ESR1: variants seen among roughly 807,000 people sequenced by gnomAD.
ESR1 encodes the protein estrogen receptor.
In ESR1, 12 loss-of-function variants were observed where a neutral mutation model predicts 52.7. That is an observed-to-expected ratio of 0.23 (90% CI 0.15 to 0.37). The LOEUF (loss-of-function observed/expected upper bound fraction) is 0.37, where lower values mean the gene tolerates loss of function less well. Ranked by LOEUF, ESR1 falls within the 10% of genes least tolerant of loss-of-function variation. The probability of loss-of-function intolerance (pLI) is 1.00; values close to 1 mark genes in which losing one functional copy is unlikely to be tolerated. For missense variants in ESR1, 584 were observed against 779.7 expected (o/e 0.75, Z 2.99); for synonymous variants, 305 against 316.8 (o/e 0.96, Z 0.39).
intron 4 of ESR1, among the ~76,000 whole-genome samples, chr6:152,004,146 G>A (rs1320336678): frequency 6.6e-6 from 1 of 151,852 alleles, no homozygotes; most frequent in East Asian, 1.9e-4. Flanking sequence ...AATACTAGTG[G>A]GTGAGTAGAA....
At position 151,736,375 on chromosome 6, in the gene ESR1, G is replaced by GTTTTTTTTTTTTTTTTTTTTTTTT. The variant is rs10624912; in HGVS notation, c.-71+34385_-71+34386insTTTTTTTTTTTTTTTTTTTTTTTT. 1.5e-3 allele frequency among the ~76,000 whole-genome samples: 173 copies of GTTTTTTTTTTTTTTTTTTTTTTTT among 112,648 alleles called. 23 individuals carry two copies. Among genetic ancestry groups the GTTTTTTTTTTTTTTTTTTTTTTTT allele is most frequent in the African/African-American group, 6.4e-3 (166 of 26,106 alleles). The allele number at this position is 112,648 out of a possible 152,430, so 73.9% of individuals were successfully genotyped here. On this transcript the variant is annotated intron_variant, in intron 2 of 2. Coordinates refer to the ESR1 transcript ENST00000404742. ...AAATACTTACTGTATTCCAGGTAGT[G>GTTTTTTTTTTTTTTTTTTTTTTTT]TTTTTTTTTTTTTTTGAGATGGAGT...
chr6:152,104,676 C>G (rs1404517920), downstream of ESR1, among the ~76,000 whole-genome samples: 1 of 152,114 alleles, frequency 6.6e-6, no homozygotes, highest in African/African-American at 2.4e-5. Context: ...GACAGGGGTG[C>G]TAGGAGGCTC....
At chr6:151,876,348 C>G (rs1265505923) in intron 2 of ESR1, among the ~76,000 whole-genome samples, 1 of 151,974 alleles carries the variant, frequency 6.6e-6, no homozygotes, top group Non-Finnish European at 1.5e-5. Context: ...GGTGGACATT[C>G]AGGAAACTCA....
intron 2 of ESR1, among the ~76,000 whole-genome samples, chr6:151,858,581 GT>G (rs11354030): frequency 0.13 from 17,961 of 133,886 alleles, 2,106 homozygotes; most frequent in African/African-American, 0.33. Flanking sequence ...ATCCGTTCCT[GT>G]TTTTTTTTTT....
chr6:152,035,604 C>T (rs2045221979), intron 5 of ESR1, among the ~76,000 whole-genome samples: 1 of 152,014 alleles, frequency 6.6e-6, no homozygotes, highest in African/African-American at 2.4e-5. Flanking sequence ...TAATCAAATG[C>T]TCTTGGAAGA....
At chr6:152,013,103 G>T (rs552733413) in intron 5 of ESR1, among the ~76,000 whole-genome samples, 127 of 152,278 alleles carry the variant, frequency 8.3e-4, no homozygotes, top group Admixed American at 2.2e-3. Context: ...CACTAGTCTT[G>T]TTCCTTAGAA....
chr6:151,848,515 T>G (rs915181761), intron 2 of ESR1, among the ~76,000 whole-genome samples: 3 of 151,820 alleles, frequency 2.0e-5, no homozygotes, highest in Non-Finnish European at 2.9e-5. Context: ...GAGATCTTAG[T>G]TCTTTTGGGC....
chr6:151,676,952 G>A (rs1778273121), intron 1 of ESR1, among the ~76,000 whole-genome samples: 1 of 152,186 alleles, frequency 6.6e-6, no homozygotes, highest in South Asian at 2.1e-4. Flanking sequence ...ACAGAGTATG[G>A]AGAAAGAAAG....
chr6:151,684,202 T>C (rs755709735), intron 1 of ESR1, among the ~76,000 whole-genome samples: 2 of 151,982 alleles, frequency 1.3e-5, no homozygotes, highest in African/African-American at 2.4e-5. Context: ...AAGGTCTCCA[T>C]GGAGAAGGTG....
At chr6:151,834,616 T>G (rs1782992508) in intron 1 of ESR1, among the ~76,000 whole-genome samples, 1 of 151,750 alleles carries the variant, frequency 6.6e-6, no homozygotes, top group Non-Finnish European at 1.5e-5. Context: ...GGCTGATGGG[T>G]GCAGCAAACC....
intron 2 of ESR1, among the ~76,000 whole-genome samples, chr6:151,781,922 A>G (rs1425969880): frequency 6.6e-6 from 1 of 152,174 alleles, no homozygotes; most frequent in Non-Finnish European, 1.5e-5. Context: ...TGCTTTTTTG[A>G]AAAAGAAGTG....
At chr6:151,882,450 A>T (rs1479931440) in intron 3 of ESR1, among the ~76,000 whole-genome samples, 2 of 152,234 alleles carry the variant, frequency 1.3e-5, no homozygotes, top group African/African-American at 2.4e-5. Flanking sequence ...AGTCATATGG[A>T]TTAAATATTT....
rs199971681 is a variant in ESR1, at chr6:152,119,811, AC to A, written c.851-5452del. ...CGGGTGAGGATGCTCATGGCCCCAT[AC>A]CCATCTCCCCATCATCTGCGTCTGG... On this transcript the variant is annotated intron_variant, in intron 6 of 6. Coordinates refer to the ESR1 transcript ENST00000427531. Among the ~76,000 whole-genome samples the A allele has an allele frequency of 7.3e-3, 1,104 of 152,264 alleles. 19 individuals are homozygous for A. Among genetic ancestry groups the A allele is most frequent in the African/African-American group, 0.025 (1,057 of 41,534 alleles).
intron 2 of ESR1, among the ~76,000 whole-genome samples, chr6:151,874,450 T>A (rs999332795): frequency 3.3e-5 from 5 of 152,180 alleles, no homozygotes; most frequent in African/African-American, 7.2e-5. Flanking sequence ...GAAAGAACCA[T>A]TCAAGTACGA....
At chr6:151,853,967 A>G (rs1337949025) in intron 2 of ESR1, among the ~76,000 whole-genome samples, 1 of 152,220 alleles carries the variant, frequency 6.6e-6, no homozygotes, top group African/African-American at 2.4e-5. Flanking sequence ...AAAAGGCATC[A>G]ACTCGTCCTC....
intron 3 of ESR1, among the ~76,000 whole-genome samples, chr6:151,903,025 G>GT (rs1796920925): frequency 6.6e-6 from 1 of 152,136 alleles, no homozygotes; most frequent in Admixed American, 6.5e-5. Flanking sequence ...AATTACACCT[G>GT]TTTTTTCAGG....
chr6:151,659,780 T>C (rs1424186884), intron 1 of ESR1, among the ~76,000 whole-genome samples: 1 of 152,218 alleles, frequency 6.6e-6, no homozygotes, highest in Non-Finnish European at 1.5e-5. Context: ...AGAAAATGAA[T>C]GTATGTGATG....
At chr6:151,703,730 G>T (rs752115844) in intron 2 of ESR1, among the ~76,000 whole-genome samples, 1 of 152,142 alleles carries the variant, frequency 6.6e-6, no homozygotes, top group Non-Finnish European at 1.5e-5. Flanking sequence ...GTCACTGGGG[G>T]TATGGATCTC....
chr6:151,660,701 ATATGT>A (rs1182370270), intron 1 of ESR1, among the ~76,000 whole-genome samples: 1 of 152,168 alleles, frequency 6.6e-6, no homozygotes, highest in Non-Finnish European at 1.5e-5. Context: ...AAGCATACGT[ATATGT>A]TATGTAGACT....
Sources: allele counts gnomAD v4.1 joint callset (sites outside exome capture counted in the v4.1 genomes callset), GRCh38; gene constraint gnomAD v4.1.1; transcripts MANE v1.5; gene names NCBI Gene and HGNC (gene_info 2026-07-23, HGNC 2026-07-21).